Variants in PHACTR2 observed in about 807,000 individuals in gnomAD.
The protein encoded by PHACTR2 is phosphatase and actin regulator 2, also known as chromosome 6 open reading frame 56.
A neutral mutation model predicts 76.0 loss-of-function variants in PHACTR2; 30 were observed. The observed-to-expected ratio is 0.39, with a 90% CI of 0.30 to 0.54. The LOEUF is 0.54. Ranked by LOEUF, PHACTR2 falls within the 20% of genes least tolerant of loss-of-function variation. The pLI is 0.61. For synonymous variants in PHACTR2, 292 were observed against 292.5 expected, an observed-to-expected ratio of 1.00 and a Z score of 0.02; for missense variants, 696 against 781.1, an observed-to-expected ratio of 0.89 and a Z score of 1.30.
rs1475669905 is a variant in PHACTR2, at chr6:143,806,250, A to C, written c.1846-807A>C. Among the ~76,000 whole-genome samples, 1 of 152,174 alleles carries C rather than the reference A, an allele frequency of 6.6e-6. No homozygotes were observed. Among genetic ancestry groups the C allele is most frequent in the African/African-American group, 2.4e-5 (1 of 41,454 alleles). On this transcript the variant is annotated intron_variant, in intron 11 of 12. Transcript: ENST00000440869. This position sits in a 1 kb window ranked among gnomAD's most constrained non-coding sequence, Gnocchi z 5.8. ...AAATACCAAAAATTACGTGACACGG[A>C]TTATGTGTTCTTTAAATAGCAATGC...
chr6:143,576,875 C>CAAAAAAAAAAA (rs35937662), intron 1 of PHACTR2, among the ~76,000 whole-genome samples: 2 of 102,554 alleles, frequency 2.0e-5, no homozygotes, highest in African/African-American at 3.8e-5. Context: ...GACTCTGTCT[C>CAAAAAAAAAAA]AAAAAAAAAA....
At chr6:143,538,559 C>A (rs892807171) in intron 1 of PHACTR2, among the ~76,000 whole-genome samples, 1 of 152,252 alleles carries the variant, frequency 6.6e-6, no homozygotes, top group South Asian at 2.1e-4. Flanking sequence ...TGAACGTGCA[C>A]TGTACCAGCT....
chr6:143,642,173 T>G (rs1776576712), intron 1 of PHACTR2, among the ~76,000 whole-genome samples: 1 of 152,180 alleles, frequency 6.6e-6, no homozygotes, highest in African/African-American at 2.4e-5. Flanking sequence ...TGCATAGGAA[T>G]TTAATCAATG....
At chr6:143,788,513 G>A (rs1384303977) in intron 10 of PHACTR2, among the ~76,000 whole-genome samples, 1 of 152,096 alleles carries the variant, frequency 6.6e-6, no homozygotes, top group East Asian at 1.9e-4. Flanking sequence ...AGGCAAGTTG[G>A]GGAAAATAGC....
In PHACTR2 at chr6:143,621,086, A is replaced by T. The variant is rs565229120; in HGVS notation, c.13+12764A>T. On this transcript the variant is annotated intron_variant, in intron 1 of 11. Coordinates refer to the PHACTR2 transcript ENST00000305766. This position sits in a 1 kb window ranked among gnomAD's most constrained non-coding sequence, Gnocchi z 4.1. ...GGACAGTGCAAACCTCCAGGAAAAG[A>T]ACAAGAGCAGGATCATTAAAGAAGC... Among the ~76,000 whole-genome samples the T allele has an allele frequency of 6.6e-6, 1 of 152,328 alleles. No individual in the cohort carries two copies. The highest frequency in any genetic ancestry group is 6.5e-5 in the Admixed American group (1 of 15,306).
At position 143,738,755 on chromosome 6, in the gene PHACTR2, CA is replaced by C. The variant is rs201169525; in HGVS notation, c.215-10220del. Among the ~76,000 whole-genome samples the C allele has an allele frequency of 1.6e-4, 23 of 139,672 alleles. No homozygotes were observed. Among genetic ancestry groups the C allele is most frequent in the East Asian group, 2.0e-4 (1 of 4,898 alleles). The allele number at this position is 139,672 out of a possible 152,430, so 91.6% of individuals were successfully genotyped here. A position where few individuals can be genotyped will look rare whatever the true frequency, so the allele number is the denominator to read the frequency against. On this transcript the variant is annotated intron_variant, in intron 2 of 12. Coordinates refer to ENST00000440869, the MANE Select transcript of PHACTR2 (RefSeq NM_001100164.2). The surrounding 1 kb of genome is among the most constrained non-coding windows in gnomAD (Gnocchi z 4.0). ...TGGGTGATAGAGCAGGACCTTGTCTCAAAAAAAAAAGAAAGAAAGAAAGAAA... is the reference window on the plus strand; with the variant it reads ...TGGGTGATAGAGCAGGACCTTGTCTCAAAAAAAAAGAAAGAAAGAAAGAAA...
chr6:143,553,184 C>G lies in PHACTR2; in HGVS notation c.217+15977C>G, dbSNP rs943583481. 1.3e-5 allele frequency among the ~76,000 whole-genome samples: 2 copies of G among 152,204 alleles called. No individual in the cohort carries two copies. Among genetic ancestry groups the G allele is most frequent in the African/African-American group, 4.8e-5 (2 of 41,440 alleles). On this transcript the variant is annotated intron_variant, in intron 1 of 11. Transcript: ENST00000367584. This position sits in a 1 kb window ranked among gnomAD's most constrained non-coding sequence, Gnocchi z 4.2. ...TATGTGCCAGTGAGAAAACAAAAAT[C>G]CAGCTCATAGAGACTGCAGTATAGT... is the stretch of plus-strand genomic sequence containing the variant.
Position 143,588,745 on chromosome 6 carries a change from A to G in PHACTR2, c.217+51538A>G, listed in dbSNP as rs188251709. The stretch of plus-strand genomic sequence containing the variant: ...GAGAGAAGAAAGCACAAAAAACAGT[A>G]TTAGAAATAAAAAGGAACAAGCCTG... On this transcript the variant is annotated intron_variant, in intron 1 of 11. Transcript: ENST00000367584. 2.5e-3 allele frequency among the ~76,000 whole-genome samples: 386 copies of G among 152,326 alleles called. 3 individuals carry two copies. The highest frequency in any genetic ancestry group is 8.8e-3 in the African/African-American group (365 of 41,586).
In PHACTR2 at chr6:143,539,777, A is replaced by G. The variant is rs886476456; in HGVS notation, c.217+2570A>G. 1.3e-5 allele frequency among the ~76,000 whole-genome samples: 2 copies of G among 152,138 alleles called. No individual in the cohort carries two copies. The highest frequency in any genetic ancestry group is 4.8e-5 in the African/African-American group (2 of 41,426). ...CCTGCTTAACTGAATCTGCATTTTA[A>G]TAAGATCCCCAGGTTGTTCTTAGTC... On this transcript the variant is annotated intron_variant, in intron 1 of 11. Coordinates refer to the PHACTR2 transcript ENST00000367584. The surrounding 1 kb of genome is among the most constrained non-coding windows in gnomAD (Gnocchi z 4.3).
intron 12 of PHACTR2, among the ~76,000 whole-genome samples, chr6:143,814,939 AC>A (rs1258723289): frequency 1.3e-5 from 2 of 152,130 alleles, no homozygotes; most frequent in African/African-American, 4.8e-5. Context: ...CTCATTCTAT[AC>A]TTTCTTGAGG....
Position 143,543,360 on chromosome 6 carries a change from T to C in PHACTR2, c.217+6153T>C, listed in dbSNP as rs1031379668. On this transcript the variant is annotated intron_variant, in intron 1 of 11. Coordinates refer to the PHACTR2 transcript ENST00000367584. This position sits in a 1 kb window ranked among gnomAD's most constrained non-coding sequence, Gnocchi z 4.7. ...TTCATTTCTTCTTTCAATCAACAAA[T>C]GGCTAGTGAGCTAACACAAAGGTTG... Among the ~76,000 whole-genome samples the C allele has an allele frequency of 2.0e-5, 3 of 152,220 alleles. No homozygotes were observed. Among genetic ancestry groups the C allele is most frequent in the Non-Finnish European group, 1.5e-5 (1 of 68,038 alleles).
At position 143,599,616 on chromosome 6, in the gene PHACTR2, G is replaced by A. The variant is rs1411944626; in HGVS notation, c.217+62409G>A. Reference sequence around the variant, plus strand: ...TTAAATTTAAGTCAAGCAGAGCCTAGAATACTTGTTTGATGAATCCCAAAC... The same window carrying A: ...TTAAATTTAAGTCAAGCAGAGCCTAAAATACTTGTTTGATGAATCCCAAAC... On this transcript the variant is annotated intron_variant, in intron 1 of 11. Transcript: ENST00000367584. The surrounding 1 kb of genome is among the most constrained non-coding windows in gnomAD (Gnocchi z 4.6). 6.6e-6 allele frequency among the ~76,000 whole-genome samples: 1 copy of A among 152,138 alleles called. No homozygotes were observed. The highest frequency in any genetic ancestry group is 1.5e-5 in the Non-Finnish European group (1 of 68,018).
intron 2 of PHACTR2, among the ~76,000 whole-genome samples, chr6:143,723,137 T>C (rs1208645629): frequency 6.6e-6 from 1 of 152,234 alleles, no homozygotes; most frequent in African/African-American, 2.4e-5. Flanking sequence ...TGTAGGACTG[T>C]TATGGTCCAG....
chr6:143,771,777 C>T (rs560460589), intron 6 of PHACTR2, among the ~76,000 whole-genome samples: 11 of 152,236 alleles, frequency 7.2e-5, no homozygotes, highest in African/African-American at 1.4e-4. Context: ...ACGTCATTAC[C>T]TTCTGGGTGC....
Position 143,608,699 on chromosome 6 carries a change from A to C in PHACTR2, c.13+377A>C, listed in dbSNP as rs1451939128. ...AATTAAGTTAATGAGCTGAGCAAAA[A>C]TTCTGTGTAAATATTACAATATGCA... On this transcript the variant is annotated intron_variant, in intron 1 of 11. Coordinates refer to the PHACTR2 transcript ENST00000305766. The surrounding 1 kb of genome is among the most constrained non-coding windows in gnomAD (Gnocchi z 4.6). 2.0e-5 allele frequency among the ~76,000 whole-genome samples: 3 copies of C among 152,240 alleles called. No homozygotes were observed. The highest frequency in any genetic ancestry group is 7.2e-5 in the African/African-American group (3 of 41,458).
chr6:143,788,112 G>T (rs975474807), intron 10 of PHACTR2, among the ~76,000 whole-genome samples: 4 of 152,218 alleles, frequency 2.6e-5, no homozygotes, highest in Non-Finnish European at 5.9e-5. Flanking sequence ...GTTGTTAGAA[G>T]TATCTTAAAG....
In PHACTR2 at chr6:143,543,696, A is replaced by G. The variant is rs58689377; in HGVS notation, c.217+6489A>G. Among the ~76,000 whole-genome samples the G allele has an allele frequency of 2.5e-3, 375 of 152,338 alleles. 2 individuals carry two copies. Among genetic ancestry groups the G allele is most frequent in the African/African-American group, 8.8e-3 (366 of 41,582 alleles). On this transcript the variant is annotated intron_variant, in intron 1 of 11. Transcript: ENST00000367584. The surrounding 1 kb of genome is among the most constrained non-coding windows in gnomAD (Gnocchi z 4.7). ...CTGGCATAATCAGAAAACACTCAGC[A>G]GTTGCTTTTGGCTCTGAGCAGGGTT...
Position 143,822,695 on chromosome 6 carries a change from G to A in PHACTR2, c.1923-979G>A, listed in dbSNP as rs1776449402. The stretch of plus-strand genomic sequence containing the variant: ...AGAAGACAGAGTGAAATGCTAGGCA[G>A]AGTTGCATAAATGTGGAATTGCAGA... On this transcript the variant is annotated intron_variant, in intron 12 of 12. Coordinates refer to ENST00000440869, the MANE Select transcript of PHACTR2 (RefSeq NM_001100164.2). This position sits in a 1 kb window ranked among gnomAD's most constrained non-coding sequence, Gnocchi z 5.5. 6.6e-6 allele frequency among the ~76,000 whole-genome samples: 1 copy of A among 152,180 alleles called. No homozygotes were observed. Among genetic ancestry groups the A allele is most frequent in the Non-Finnish European group, 1.5e-5 (1 of 68,032 alleles).
rs1237273094 is a variant in PHACTR2, at chr6:143,596,208, T to C, written c.217+59001T>C. ...GCAAAACTGGCCATGAAAAATACTTTTGTTGTCCCCAGCAAGCCAGATCTG... is the reference window on the plus strand; with the variant it reads ...GCAAAACTGGCCATGAAAAATACTTCTGTTGTCCCCAGCAAGCCAGATCTG... On this transcript the variant is annotated intron_variant, in intron 1 of 11. Coordinates refer to the PHACTR2 transcript ENST00000367584. The surrounding 1 kb of genome is among the most constrained non-coding windows in gnomAD (Gnocchi z 4.6). 6.6e-6 allele frequency among the ~76,000 whole-genome samples: 1 copy of C among 152,190 alleles called. No individual in the cohort carries two copies. The highest frequency in any genetic ancestry group is 1.5e-5 in the Non-Finnish European group (1 of 68,034).
Sources: allele counts gnomAD v4.1 joint callset (sites outside exome capture counted in the v4.1 genomes callset), GRCh38; gene constraint gnomAD v4.1.1; non-coding constraint Gnocchi (gnomAD v3.1); transcripts MANE v1.5; gene names NCBI Gene and HGNC (gene_info 2026-07-23, HGNC 2026-07-21).